MYO1E: variants seen among roughly 807,000 people sequenced by gnomAD.
MYO1E encodes the protein unconventional myosin-Ie.
A neutral mutation model predicts 151.1 loss-of-function variants in MYO1E; 68 were observed. That is an observed-to-expected ratio of 0.45 (90% CI 0.37 to 0.55). The LOEUF (loss-of-function observed/expected upper bound fraction) is 0.55. Among genes scored for constraint, MYO1E ranks in the 20% least tolerant of loss-of-function variants. The pLI is 0.00. For synonymous variants in MYO1E, 601 were observed against 501.7 expected (o/e 1.20, Z -2.64); for missense variants, 1,363 against 1,389.3 (o/e 0.98, Z 0.30).
intron 1 of MYO1E, among the ~76,000 whole-genome samples, chr15:59,306,295 TTATGAG>T (rs1465982596): frequency 6.6e-6 from 1 of 152,258 alleles, no homozygotes; most frequent in African/African-American, 2.4e-5. Context: ...ACTAATTGTT[TTATGAG>T]TATATTTATG....
chr15:59,263,932 T>TA (rs1160510503), intron 2 of MYO1E, among the ~76,000 whole-genome samples: 1 of 152,144 alleles, frequency 6.6e-6, no homozygotes, highest in Non-Finnish European at 1.5e-5. Context: ...ATCAAGCAGG[T>TA]AAGACGTCCA....
chr15:59,195,185 T>C (rs1385239952), intron 17 of MYO1E, among the ~76,000 whole-genome samples: 2 of 152,148 alleles, frequency 1.3e-5, no homozygotes, highest in African/African-American at 4.8e-5. Flanking sequence ...CTCTGCGGTA[T>C]GAGGTTATGT....
intron 1 of MYO1E, among the ~76,000 whole-genome samples, chr15:59,339,127 G>C (rs1378685916): frequency 1.3e-5 from 2 of 152,154 alleles, no homozygotes; most frequent in Non-Finnish European, 2.9e-5. Context: ...GCAAGACTCT[G>C]TCTCAAAAAA....
Position 59,173,873 on chromosome 15 carries a change from C to G in MYO1E, c.2207G>C (p.Ser736Thr). Residue 736 changes from serine to threonine, a missense_variant, in exon 21 of 28, where the codon AGT (serine) becomes ACT (threonine). Coordinates refer to ENST00000288235, the MANE Select transcript of MYO1E (RefSeq NM_004998.4). ...ATCCCCTATAAAGTTCCTGTTAATA[C>G]TGTTTCTCCTTCTCTCCTTCTTGTT... ...LLNKKERRRN[S>T]INRNFIGDYI... 3 of 1,614,100 alleles carry G rather than the reference C, an allele frequency of 1.9e-6. No homozygotes were observed. The highest frequency in any genetic ancestry group is 1.7e-6 in the Non-Finnish European group (2 of 1,180,010).
At chr15:59,190,648 G>A (rs774141423) in intron 17 of MYO1E, among the ~76,000 whole-genome samples, 3 of 152,218 alleles carry the variant, frequency 2.0e-5, no homozygotes, top group Admixed American at 6.5e-5. Context: ...GCCCTGCCAC[G>A]ATGCAACTTC....
rs2079807409 is a variant in MYO1E, at chr15:59,202,351, G to T, written c.1673C>A (p.Pro558Gln). ...ENLQADKKGR[P>Q]TTAGSKIKKQ... ...CTTTATTTTGCTTCCGGCAGTAGTT[G>T]GGCGCCCTTTCTTGTCAGCCTGCAG... is the stretch of plus-strand genomic sequence containing the variant. The change falls in exon 16 of 28, where the codon CCA (proline) becomes CAA (glutamine). Residue 558 changes from proline (P) to glutamine (Q), a missense_variant. Coordinates refer to ENST00000288235, the MANE Select transcript of MYO1E (RefSeq NM_004998.4). The T allele has an allele frequency of 6.2e-7, 1 of 1,613,974 alleles. No individual in the cohort carries two copies. The highest frequency in any genetic ancestry group is 8.5e-7 in the Non-Finnish European group (1 of 1,179,968).
At chr15:59,209,299 C>T (rs1329751519) in intron 13 of MYO1E, among the ~76,000 whole-genome samples, 1 of 152,210 alleles carries the variant, frequency 6.6e-6, no homozygotes, top group Non-Finnish European at 1.5e-5. Context: ...ATTTTATAAG[C>T]ATTCCTCATG....
Position 59,171,889 on chromosome 15 carries a change from C to T in MYO1E, c.2480+8G>A. 5 of 1,614,176 alleles carry T rather than the reference C, an allele frequency of 3.1e-6. No homozygotes were observed. The highest frequency in any genetic ancestry group is 4.2e-6 in the Non-Finnish European group (5 of 1,180,020). On this transcript the variant is annotated splice_region_variant and intron_variant, in intron 22 of 27. Coordinates refer to ENST00000288235, the MANE Select transcript of MYO1E (RefSeq NM_004998.4). Reference sequence around the variant, plus strand: ...GGGCAGTCCTGCCTCTGCACCTCCACTACTCACCTGAGGGACACAGACAAG... The same window carrying T: ...GGGCAGTCCTGCCTCTGCACCTCCATTACTCACCTGAGGGACACAGACAAG...
intron 1 of MYO1E, among the ~76,000 whole-genome samples, chr15:59,351,839 G>A (rs751543349): frequency 6.6e-6 from 1 of 152,198 alleles, no homozygotes; most frequent in Non-Finnish European, 1.5e-5. Flanking sequence ...GGAAAACCAG[G>A]TAGGAGTAAA....
At position 59,173,844 on chromosome 15, in the gene MYO1E, T is replaced by C; in HGVS notation, c.2236A>G (p.Ile746Val). 6.2e-7 allele frequency: 1 copy of C among 1,614,098 alleles called. No individual in the cohort carries two copies. The highest frequency in any genetic ancestry group is 8.5e-7 in the Non-Finnish European group (1 of 1,179,954). ...SINRNFIGDY[I>V]GMEEHPELQQ... ...AGTTCTGGGTGCTCTTCCATCCCAA[T>C]ATAATCCCCTATAAAGTTCCTGTTA... is the stretch of plus-strand genomic sequence containing the variant. The change falls in exon 21 of 28, where the codon ATT (isoleucine) becomes GTT (valine). Residue 746 changes from isoleucine (I) to valine (V), a missense_variant. Coordinates refer to ENST00000288235, the MANE Select transcript of MYO1E (RefSeq NM_004998.4).
At chr15:59,254,227 C>A (rs1258623270) in intron 4 of MYO1E, among the ~76,000 whole-genome samples, 5 of 152,072 alleles carry the variant, frequency 3.3e-5, no homozygotes, top group African/African-American at 9.7e-5. Context: ...CCATCTCTGT[C>A]GCCTGGCTAG....
chr15:59,220,408 C>G (rs778134664), intron 9 of MYO1E, among the ~76,000 whole-genome samples: 5 of 152,218 alleles, frequency 3.3e-5, no homozygotes, highest in Non-Finnish European at 5.9e-5. Context: ...GAGATAGCGC[C>G]ACTGCGCTCC....
chr15:59,232,958 G>T (rs1051132228), intron 5 of MYO1E, among the ~76,000 whole-genome samples: 1 of 151,960 alleles, frequency 6.6e-6, no homozygotes, highest in Non-Finnish European at 1.5e-5. Flanking sequence ...TGGCACCAAG[G>T]GCAATTCTGG....
At chr15:59,183,561 A>T (rs1395691109) in intron 18 of MYO1E, among the ~76,000 whole-genome samples, 1 of 151,596 alleles carries the variant, frequency 6.6e-6, no homozygotes, top group Non-Finnish European at 1.5e-5. Flanking sequence ...GTTGCATGAG[A>T]TTTTTTTTCT....
chr15:59,353,369 A>AAAAAAAG (rs1178465167), intron 1 of MYO1E, among the ~76,000 whole-genome samples: 1,193 of 96,960 alleles, frequency 0.012, 41 homozygotes, highest in African/African-American at 0.04. Context: ...AAAAAAAAAA[A>AAAAAAAG]AAAAGAAAAG....
chr15:59,268,252 C>G (rs1189648421), intron 2 of MYO1E, among the ~76,000 whole-genome samples: 1 of 152,208 alleles, frequency 6.6e-6, no homozygotes, highest in East Asian at 1.9e-4. Context: ...AAACATCCAT[C>G]AAGCTCCCTC....
At chr15:59,263,318 A>C (rs1297500940) in intron 2 of MYO1E, among the ~76,000 whole-genome samples, 12 of 152,194 alleles carry the variant, frequency 7.9e-5, no homozygotes, top group Admixed American at 7.9e-4. Flanking sequence ...TAAATAAAAT[A>C]ATTATAGAAC....
At chr15:59,339,614 C>A (rs1281807491) in intron 1 of MYO1E, among the ~76,000 whole-genome samples, 2 of 152,146 alleles carry the variant, frequency 1.3e-5, no homozygotes, top group Non-Finnish European at 2.9e-5. Flanking sequence ...GTGTTTCTCT[C>A]CTAATAGGGT....
intron 1 of MYO1E, among the ~76,000 whole-genome samples, chr15:59,313,665 G>A (rs2080567130): frequency 6.6e-6 from 1 of 152,150 alleles, no homozygotes; most frequent in African/African-American, 2.4e-5. Context: ...CCTGCCAAAT[G>A]AAGGCTGGAT....
Sources: gnomAD v4.1 joint callset for allele counts (sites outside exome capture counted in the v4.1 genomes callset) on GRCh38, gnomAD v4.1.1 for gene constraint, MANE v1.5 for transcripts, NCBI Gene and HGNC (gene_info 2026-07-23, HGNC 2026-07-21) for gene names.